The following BACE1 variants were observed in gnomAD, a reference collection of about 807,000 sequenced individuals.
BACE1 encodes the protein beta-secretase 1.
Under a neutral mutation model 54.0 loss-of-function variants are expected in BACE1, and 21 were observed. The observed-to-expected ratio is 0.39, with a 90% CI of 0.28 to 0.56. BACE1 has a LOEUF of 0.56. BACE1 is among the 20% of genes least tolerant of loss of function. BACE1 has a pLI of 0.63. For synonymous variants in BACE1, 232 were observed against 260.9 expected (o/e 0.89, Z 1.07); for missense variants, 511 against 661.2 (o/e 0.77, Z 2.49).
At chr11:117,300,621 T>C (rs548381) in intron 1 of BACE1, among the ~76,000 whole-genome samples, 114,163 of 152,124 alleles carry the variant, frequency 0.75, 44,172 homozygotes, top group East Asian at 0.95. Context: ...GTCACTGAAC[T>C]GGGCCAGGGG....
rs1167099189 is a variant in BACE1, at chr11:117,293,355, T to A, written c.706-167A>T. 10 of 631,916 alleles carry A rather than the reference T, an allele frequency of 1.6e-5. No homozygotes were observed. Among genetic ancestry groups the A allele is most frequent in the Middle Eastern group, 4.5e-4 (1 of 2,210 alleles). The allele number at this position is 631,916 out of a possible 1,614,324, so 39.1% of individuals were successfully genotyped here. On this transcript the variant is annotated intron_variant, in intron 4 of 8. Coordinates refer to ENST00000313005, the MANE Select transcript of BACE1 (RefSeq NM_012104.6). This position sits in a 1 kb window ranked among gnomAD's most constrained non-coding sequence, Gnocchi z 4.1. ...AAATCATACCCAAAGTGATTTCTAG[T>A]TTCTTAAATGTGTTCAGGAGAAAAG...
chr11:117,300,364 G>T (rs1382309177), intron 1 of BACE1, among the ~76,000 whole-genome samples: 2 of 152,234 alleles, frequency 1.3e-5, no homozygotes, highest in Non-Finnish European at 2.9e-5. Flanking sequence ...TCCCGCCCGA[G>T]AGAAGTAATT....
intron 1 of BACE1, among the ~76,000 whole-genome samples, chr11:117,301,435 A>G (rs2034722716): frequency 6.6e-6 from 1 of 152,086 alleles, no homozygotes; most frequent in Non-Finnish European, 1.5e-5. Context: ...ACACACCTCC[A>G]TGTCTACAAA....
intron 1 of BACE1, among the ~76,000 whole-genome samples, chr11:117,297,736 A>C (rs542296594): frequency 2.0e-5 from 3 of 152,252 alleles, no homozygotes; most frequent in Non-Finnish European, 4.4e-5. Flanking sequence ...AACACCCCTC[A>C]GAGAAAACAG....
intron 1 of BACE1, chr11:117,299,638 C>A: frequency 2.5e-6 from 1 of 394,378 alleles, no homozygotes; most frequent in Non-Finnish European, 5.0e-6. Flanking sequence ...CCCTGCCCCT[C>A]TTCCCCTACC....
chr11:117,295,272 G>A lies in BACE1; in HGVS notation c.426C>T (p.Gly142=), dbSNP rs1315249754. ...CATGGGGGATGCTTACCAGGTCGGT[G>A]CCCAGCTCCCCTTCCCACTTGCCCT... The part of the protein sequence containing the change: ...YTQGKWEGEL[G]TDLVSIPHGP... Residue 142 remains glycine (G), a synonymous_variant, in exon 3 of 9, where the codon GGC becomes GGT. Transcript: ENST00000313005. 1.9e-6 allele frequency: 3 copies of A among 1,614,184 alleles called. No individual in the cohort carries two copies. Among genetic ancestry groups the A allele is most frequent in the Non-Finnish European group, 2.5e-6 (3 of 1,180,042 alleles).
chr11:117,292,997 C>T, intron 5 of BACE1, 57 bp downstream of exon 5: 1 of 1,587,530 alleles, frequency 6.3e-7, no homozygotes, highest in Non-Finnish European at 8.6e-7. Flanking sequence ...CAGAGTCTTC[C>T]TTCACATTGT....
At chr11:117,308,381 G>A (rs1432753233) in intron 1 of BACE1, among the ~76,000 whole-genome samples, 1 of 152,012 alleles carries the variant, frequency 6.6e-6, no homozygotes, top group East Asian at 1.9e-4. Flanking sequence ...TGCCTGTCCA[G>A]TTCTAACTTC....
At chr11:117,290,878 C>G in intron 7 of BACE1, 22 bp downstream of exon 7, 1 of 1,611,174 alleles carries the variant, frequency 6.2e-7, no homozygotes, top group East Asian at 2.2e-5. Context: ...GAGAGATCCC[C>G]CTGACTCAGG....
At chr11:117,306,766 G>T (rs1754995329) in intron 1 of BACE1, among the ~76,000 whole-genome samples, 1 of 152,092 alleles carries the variant, frequency 6.6e-6, no homozygotes, top group Non-Finnish European at 1.5e-5. Context: ...AGCCGAGATC[G>T]CGCCACCGCA....
In BACE1 at chr11:117,296,942, G is replaced by A. The variant is rs1326644566; in HGVS notation, c.281C>T (p.Thr94Ile). 1 of 1,613,810 alleles carries A rather than the reference G, an allele frequency of 6.2e-7. No homozygotes were observed. Among genetic ancestry groups the A allele is most frequent in the African/African-American group, 1.3e-5 (1 of 75,038 alleles). The part of the protein sequence containing the change: ...PPQTLNILVD[T>I]GSSNFAVGAA... Reference sequence around the variant, plus strand: ...ACCCACTGCAAAGTTACTGCTGCCTGTATCCACCAGGATGTTGAGCTGTCA... The same window carrying A: ...ACCCACTGCAAAGTTACTGCTGCCTATATCCACCAGGATGTTGAGCTGTCA... Residue 94 changes from threonine to isoleucine, a missense_variant, in exon 2 of 9, where the codon ACA becomes ATA. Physicochemically the swap from Thr to Ile is moderately conservative, Grantham distance 89. Transcript: ENST00000313005.
chr11:117,299,817 A>T (rs1367139691), intron 1 of BACE1: 1 of 265,412 alleles, frequency 3.8e-6, no homozygotes, highest in Non-Finnish European at 7.5e-6. Context: ...CCTCTTCCCC[A>T]TTCTCAGGAC....
chr11:117,291,653 C>G (rs2034440747), intron 6 of BACE1, 59 bp downstream of exon 6: 1 of 1,269,452 alleles, frequency 7.9e-7, no homozygotes, highest in African/African-American at 1.5e-5. Flanking sequence ...GAATGTGACT[C>G]TCACCGCCTC....
intron 2 of BACE1, among the ~76,000 whole-genome samples, chr11:117,296,030 T>G (rs188419666): frequency 1.2e-3 from 188 of 152,244 alleles, no homozygotes; most frequent in African/African-American, 4.2e-3. Flanking sequence ...CCTGACTGCT[T>G]CTTTTAGATT....
rs1053615732 is a variant in BACE1 at position 117,288,950 on chromosome 11, C to G, written c.*616G>C. On this transcript the variant is annotated 3_prime_UTR_variant, in exon 9 of 9. Coordinates refer to ENST00000313005, the MANE Select transcript of BACE1 (RefSeq NM_012104.6). ...TTTCCTAGCTTTGATCCCACTATTC[C>G]CTGTCTTTGTACTCCCTCTCCTTCT... 1 of 153,034 alleles carries G rather than the reference C, an allele frequency of 6.5e-6. No homozygotes were observed. Among genetic ancestry groups the G allele is most frequent in the Non-Finnish European group, 1.5e-5 (1 of 68,582 alleles). The allele number at this position is 153,034 out of a possible 1,614,324, so 9.5% of individuals were successfully genotyped here.
chr11:117,291,302 T>C (rs1192513796), intron 6 of BACE1, among the ~76,000 whole-genome samples: 1 of 149,068 alleles, frequency 6.7e-6, no homozygotes, highest in Non-Finnish European at 1.5e-5. Context: ...TTTGAAACAG[T>C]GTCTCACTCT....
chr11:117,312,271 C>A (rs192995208), intron 1 of BACE1, among the ~76,000 whole-genome samples: 1 of 152,270 alleles, frequency 6.6e-6, no homozygotes, highest in Non-Finnish European at 1.5e-5. Context: ...CATGGACATA[C>A]GTGTAACGTG....
At position 117,315,589 on chromosome 11, in the gene BACE1, G is replaced by T. The variant is rs2035090186; in HGVS notation, c.207C>A (p.Gly69=). ...SFVEMVDNLR[G]KSGQGYYVEM... ...CCACGTAGTAGCCCTGCCCCGACTT[G>T]CCCCTCAGGTTGTCCACCATCTCCA... Residue 69 remains glycine (G), a synonymous_variant, in exon 1 of 9, where the codon GGC becomes GGA. Transcript: ENST00000313005. The surrounding 1 kb of genome is among the most constrained non-coding windows in gnomAD (Gnocchi z 5.5). 4 of 1,589,854 alleles carry T rather than the reference G, an allele frequency of 2.5e-6. No homozygotes were observed. The East Asian group carries it at 9.7e-5, about 38-fold the overall frequency.
chr11:117,298,728 A>G (rs1274172500), intron 1 of BACE1, among the ~76,000 whole-genome samples: 1 of 152,220 alleles, frequency 6.6e-6, no homozygotes, highest in Non-Finnish European at 1.5e-5. Flanking sequence ...GTGAAAACCC[A>G]TCTTGTCAGG....
Sources: allele counts gnomAD v4.1 joint callset (sites outside exome capture counted in the v4.1 genomes callset), GRCh38; gene constraint gnomAD v4.1.1; non-coding constraint Gnocchi (gnomAD v3.1); transcripts MANE v1.5; gene names NCBI Gene and HGNC (gene_info 2026-07-23, HGNC 2026-07-21).